SLC35F4: variants seen among roughly 807,000 people sequenced by gnomAD.
The protein encoded by SLC35F4 is chromosome 14 open reading frame 36.
A neutral mutation model predicts 44.2 loss-of-function variants in SLC35F4; 24 were observed. The observed-to-expected ratio is 0.54, with a 90% CI of 0.39 to 0.76. The LOEUF is 0.76. SLC35F4 is among the 30% of genes least tolerant of loss of function. The pLI, the probability that SLC35F4 is intolerant of heterozygous loss-of-function variation, is 0.00. For missense variants in SLC35F4, 562 were observed against 586.1 expected (o/e 0.96, Z 0.42); for synonymous variants, 238 against 223.6 (o/e 1.06, Z -0.57).
At chr14:57,770,173 C>T (rs2077329566) in intron 1 of SLC35F4, among the ~76,000 whole-genome samples, 2 of 152,182 alleles carry the variant, frequency 1.3e-5, no homozygotes, top group South Asian at 4.1e-4. Context: ...CATTAAAATG[C>T]TGTTCACCAT....
At chr14:57,797,818 T>C (rs2078090126) in intron 1 of SLC35F4, among the ~76,000 whole-genome samples, 1 of 152,128 alleles carries the variant, frequency 6.6e-6, no homozygotes, top group Non-Finnish European at 1.5e-5. Context: ...ATCCTTGCCA[T>C]ATATCTTGAC....
chr14:57,914,480 G>C (rs1002262037), intron 1 of SLC35F4, among the ~76,000 whole-genome samples: 1 of 151,870 alleles, frequency 6.6e-6, no homozygotes, highest in African/African-American at 2.4e-5. Flanking sequence ...GGAGAATGGC[G>C]TGAACCCAGG....
At chr14:57,944,762 G>GAAAGA (rs1241382818) in intron 1 of SLC35F4, among the ~76,000 whole-genome samples, 25 of 143,536 alleles carry the variant, frequency 1.7e-4, no homozygotes, top group African/African-American at 5.9e-4. Flanking sequence ...AAGAAAGGAA[G>GAAAGA]AAAGAAAAGA....
At chr14:57,676,763 T>C (rs2074708593) in intron 1 of SLC35F4, among the ~76,000 whole-genome samples, 1 of 151,932 alleles carries the variant, frequency 6.6e-6, no homozygotes, top group Admixed American at 6.6e-5. Context: ...CAAAAAACAA[T>C]GGCTGTTGGC....
chr14:57,600,689 C>G (rs2070766265), intron 1 of SLC35F4, among the ~76,000 whole-genome samples: 3 of 17,394 alleles, frequency 1.7e-4, no homozygotes, highest in South Asian at 3.0e-3. Flanking sequence ...AAGACTCCAT[C>G]TCAAAAAAAA....
chr14:57,750,139 ATTT>A (rs1566821241), intron 1 of SLC35F4, among the ~76,000 whole-genome samples: 171 of 152,224 alleles, frequency 1.1e-3, no homozygotes, highest in African/African-American at 3.9e-3. Flanking sequence ...AACATGCGGT[ATTT>A]GTCTTTCAGT....
chr14:57,603,524 A>G (rs576424560), intron 1 of SLC35F4, among the ~76,000 whole-genome samples: 7 of 152,294 alleles, frequency 4.6e-5, no homozygotes, highest in Non-Finnish European at 7.3e-5. Flanking sequence ...AGGTGTAGGT[A>G]TGACTTGGTT....
At chr14:57,674,994 A>G (rs889910353) in intron 1 of SLC35F4, among the ~76,000 whole-genome samples, 23 of 152,152 alleles carry the variant, frequency 1.5e-4, no homozygotes, top group African/African-American at 5.6e-4. Flanking sequence ...TGTCTGTGCT[A>G]GCAAGATGTG....
chr14:57,617,933 T>C (rs1402514475), intron 1 of SLC35F4, among the ~76,000 whole-genome samples: 1 of 152,182 alleles, frequency 6.6e-6, no homozygotes, highest in East Asian at 1.9e-4. Context: ...TGACCTGATA[T>C]GTAGGCAACA....
At chr14:57,699,171 A>G (rs2075465189) in intron 1 of SLC35F4, among the ~76,000 whole-genome samples, 1 of 152,346 alleles carries the variant, frequency 6.6e-6, no homozygotes, top group Non-Finnish European at 1.5e-5. Flanking sequence ...AAGAAATTTT[A>G]TAAAGAAGAA....
At chr14:57,572,658 T>C (rs957106748) in intron 4 of SLC35F4, among the ~76,000 whole-genome samples, 4 of 152,222 alleles carry the variant, frequency 2.6e-5, no homozygotes, top group Non-Finnish European at 5.9e-5. Context: ...TAATTCAGTT[T>C]TTCAGAAAAA....
chr14:57,809,596 T>C (rs890188603), intron 1 of SLC35F4, among the ~76,000 whole-genome samples: 1 of 152,232 alleles, frequency 6.6e-6, no homozygotes, highest in Non-Finnish European at 1.5e-5. Context: ...CTGTCTTAAC[T>C]CATAGGTTTT....
At chr14:57,821,362 C>CATGTAGAAATTCATTTTG in intron 1 of SLC35F4, among the ~76,000 whole-genome samples, 1 of 152,322 alleles carries the variant, frequency 6.6e-6, no homozygotes, top group South Asian at 2.1e-4. Context: ...ATTACAGCTT[C>CATGTAGAAATTCATTTTG]ATGTAGAAAT....
At chr14:57,858,695 A>G (rs1040451424) in intron 1 of SLC35F4, among the ~76,000 whole-genome samples, 22 of 148,014 alleles carry the variant, frequency 1.5e-4, no homozygotes, top group African/African-American at 5.8e-4. Context: ...AAAAAGGAGG[A>G]AAAAAAAGAA....
chr14:57,636,625 A>G (rs750609357), intron 1 of SLC35F4, among the ~76,000 whole-genome samples: 6 of 152,136 alleles, frequency 3.9e-5, no homozygotes, highest in African/African-American at 7.2e-5. Flanking sequence ...AACACTTGCT[A>G]TGGGTCAGGG....
At chr14:57,851,202 AG>A (rs1480160471) in intron 1 of SLC35F4, among the ~76,000 whole-genome samples, 1 of 152,210 alleles carries the variant, frequency 6.6e-6, no homozygotes, top group African/African-American at 2.4e-5. Flanking sequence ...ATAAAACTAA[AG>A]TTCACTTATA....
At chr14:57,789,047 C>T (rs997166565) in intron 1 of SLC35F4, among the ~76,000 whole-genome samples, 3 of 152,178 alleles carry the variant, frequency 2.0e-5, no homozygotes, top group Non-Finnish European at 2.9e-5. Flanking sequence ...TAAATGCCTA[C>T]ATGAGAAAGT....
chr14:57,781,160 C>T (rs1277877796), intron 1 of SLC35F4, among the ~76,000 whole-genome samples: 1 of 151,994 alleles, frequency 6.6e-6, no homozygotes, highest in Non-Finnish European at 1.5e-5. Context: ...TATTTGCAAG[C>T]AATGCATCTG....
intron 1 of SLC35F4, among the ~76,000 whole-genome samples, chr14:57,883,923 G>C (rs77215918): frequency 6.6e-6 from 1 of 151,974 alleles, no homozygotes; most frequent in African/African-American, 2.4e-5. Context: ...TTGATTGTCC[G>C]TGTTATTTAC....
Sources: gnomAD v4.1 joint callset for allele counts (sites outside exome capture counted in the v4.1 genomes callset) on GRCh38, gnomAD v4.1.1 for gene constraint, MANE v1.5 for transcripts, NCBI Gene and HGNC (gene_info 2026-07-23, HGNC 2026-07-21) for gene names.